The following PTK2 variants were observed in gnomAD, a reference collection of about 807,000 sequenced individuals.
PTK2 encodes focal adhesion kinase 1.
In PTK2, 45 loss-of-function variants were observed where a neutral mutation model predicts 150.1. The observed-to-expected ratio is 0.30, with a 90% CI of 0.24 to 0.38. PTK2 has a LOEUF of 0.38. Ranked by LOEUF, PTK2 falls within the 10% of genes least tolerant of loss-of-function variation. The pLI, the probability that PTK2 is intolerant of heterozygous loss-of-function variation, is 1.00. For missense variants in PTK2, 919 were observed against 1,307.3 expected, an observed-to-expected ratio of 0.70 and a Z score of 4.58; for synonymous variants, 432 against 449.2, an observed-to-expected ratio of 0.96 and a Z score of 0.48.
At chr8:140,936,508 T>G (rs2100173682) in intron 1 of PTK2, among the ~76,000 whole-genome samples, 2 of 152,234 alleles carry the variant, frequency 1.3e-5, no homozygotes, top group South Asian at 4.1e-4. Context: ...GGGGCCTTCC[T>G]GACTCACTGC....
In PTK2 at chr8:140,824,534, T is replaced by C. The variant is rs536522722; in HGVS notation, c.649-5514A>G. Reference sequence around the variant, plus strand: ...TGGCAGGAATATACCCAAGTTCTTATGGTCTGTACTTAAATGCGACTGCCA... The same window carrying C: ...TGGCAGGAATATACCCAAGTTCTTACGGTCTGTACTTAAATGCGACTGCCA... On this transcript the variant is annotated intron_variant, in intron 8 of 31. Coordinates refer to ENST00000522684, the Ensembl canonical transcript of PTK2. 2.6e-5 allele frequency among the ~76,000 whole-genome samples: 4 copies of C among 152,228 alleles called. No individual in the cohort carries two copies. In the South Asian group the frequency reaches 8.3e-4, roughly 32 times the overall value.
intron 12 of PTK2, among the ~76,000 whole-genome samples, chr8:140,799,034 G>A (rs746447729): frequency 3.9e-5 from 6 of 152,194 alleles, no homozygotes; most frequent in South Asian, 2.1e-4. Flanking sequence ...TGTGATCACC[G>A]TGGGAAAACA....
At chr8:140,852,822 C>T (rs189055483) in intron 5 of PTK2, among the ~76,000 whole-genome samples, 9 of 152,274 alleles carry the variant, frequency 5.9e-5, no homozygotes, top group South Asian at 4.2e-4. Context: ...GTTAACTCAG[C>T]GGCAGGTCTG....
At chr8:140,846,574 C>T (rs1450441378) in intron 6 of PTK2, 25 bp downstream of exon 6, 5 of 1,522,140 alleles carry the variant, frequency 3.3e-6, no homozygotes, top group Admixed American at 1.7e-5. Context: ...TAAATAAAGG[C>T]CGCAATGTAT....
chr8:140,750,208 T>C (rs1401485513), intron 17 of PTK2: 2 of 152,248 alleles, frequency 1.3e-5, no homozygotes, highest in African/African-American at 4.8e-5. Context: ...GCTTACTCTA[T>C]GAATTATTAA....
intron 2 of PTK2, among the ~76,000 whole-genome samples, chr8:140,909,962 T>G (rs2100162460): frequency 6.6e-6 from 1 of 152,192 alleles, no homozygotes; most frequent in Non-Finnish European, 1.5e-5. Context: ...GACACAAATC[T>G]TCCTTTAAAA....
At chr8:140,926,087 G>A (rs1027830983) in intron 1 of PTK2, among the ~76,000 whole-genome samples, 13 of 152,098 alleles carry the variant, frequency 8.5e-5, no homozygotes, top group African/African-American at 3.1e-4. Context: ...TCACAATATC[G>A]CAGAACTTCT....
At chr8:140,789,215 C>G (rs2100086850) in intron 14 of PTK2, among the ~76,000 whole-genome samples, 1 of 150,276 alleles carries the variant, frequency 6.7e-6, no homozygotes, top group South Asian at 2.1e-4. Flanking sequence ...ATATTAAAAC[C>G]CAAAAATAAT....
chr8:140,956,620 C>T (rs189009942), intron 1 of PTK2, among the ~76,000 whole-genome samples: 75 of 152,224 alleles, frequency 4.9e-4, no homozygotes, highest in Non-Finnish European at 7.4e-5. Flanking sequence ...TTAACCTAGG[C>T]GATAACAGCT....
intron 8 of PTK2, among the ~76,000 whole-genome samples, chr8:140,824,347 C>CA (rs1450399368): frequency 1.3e-5 from 2 of 152,162 alleles, no homozygotes; most frequent in Non-Finnish European, 2.9e-5. Flanking sequence ...TCATCCTACA[C>CA]ATTAACAAGC....
chr8:140,925,812 G>C (rs1011117828), intron 1 of PTK2, 63 bp from the exon 2 acceptor site: 20 of 207,546 alleles, frequency 9.6e-5, no homozygotes, highest in Non-Finnish European at 1.7e-4. Context: ...GCAAAATGAG[G>C]ACAGTAACAA....
At chr8:140,835,898 G>T (rs774587755) in intron 7 of PTK2, among the ~76,000 whole-genome samples, 48 of 152,146 alleles carry the variant, frequency 3.2e-4, no homozygotes, top group African/African-American at 1.2e-3. Context: ...CATGTTAGGG[G>T]AACTGGTGTG....
In PTK2 at chr8:140,659,685, G is replaced by C. The variant is rs2076642920; in HGVS notation, c.2947-7C>G. ...GCTTCTGTGCCATCTCAATCTGAAA[G>C]ACAAGAGATAGGTCAGGAGAACTGT... On this transcript the variant is annotated splice_region_variant and splice_polypyrimidine_tract_variant and intron_variant, in intron 31 of 31. Coordinates refer to ENST00000522684, the Ensembl canonical transcript of PTK2. The C allele has an allele frequency of 3.7e-6, 6 of 1,609,916 alleles. No individual in the cohort carries two copies. Among genetic ancestry groups the C allele is most frequent in the Non-Finnish European group, 5.1e-6 (6 of 1,176,572 alleles).
chr8:140,883,370 A>C (rs923681604), intron 3 of PTK2, among the ~76,000 whole-genome samples: 3 of 152,186 alleles, frequency 2.0e-5, no homozygotes, highest in Non-Finnish European at 4.4e-5. Flanking sequence ...GGAGGGGACA[A>C]AAAGGGATAT....
chr8:140,842,106 T>C (rs1021733089), intron 7 of PTK2, among the ~76,000 whole-genome samples: 1 of 152,068 alleles, frequency 6.6e-6, no homozygotes, highest in African/African-American at 2.4e-5. Context: ...AAACTATGCA[T>C]TGAATGTGCA....
intron 4 of PTK2, among the ~76,000 whole-genome samples, chr8:140,877,089 A>G (rs2100146058): frequency 7.6e-6 from 1 of 130,808 alleles, no homozygotes; most frequent in African/African-American, 3.0e-5. Context: ...CTGCAGTGCA[A>G]TGGCATGATC....
At chr8:140,980,321 C>T (rs1414125750) in intron 1 of PTK2, among the ~76,000 whole-genome samples, 3 of 152,136 alleles carry the variant, frequency 2.0e-5, no homozygotes, top group Non-Finnish European at 2.9e-5. Flanking sequence ...GCATGATACC[C>T]TTAGTATAAA....
At chr8:141,000,778 C>T (rs2100199894) in intron 1 of PTK2, 1 of 149,412 alleles carries the variant, frequency 6.7e-6, no homozygotes, top group Non-Finnish European at 1.5e-5. Flanking sequence ...CCCCGACCTC[C>T]TCGAGCTCCC....
At chr8:140,685,713 G>C (rs1425323403) in intron 27 of PTK2, among the ~76,000 whole-genome samples, 3 of 152,196 alleles carry the variant, frequency 2.0e-5, no homozygotes, top group African/African-American at 7.2e-5. Flanking sequence ...CAGTCAGAAT[G>C]TCTATTATTA....
Sources: allele counts gnomAD v4.1 joint callset (sites outside exome capture counted in the v4.1 genomes callset), GRCh38; gene constraint gnomAD v4.1.1; transcripts MANE v1.5; gene names NCBI Gene and HGNC (gene_info 2026-07-23, HGNC 2026-07-21).